Variants in MYO1B observed in about 807,000 individuals in gnomAD.
MYO1B encodes the protein unconventional myosin-Ib.
A neutral mutation model predicts 159.7 loss-of-function variants in MYO1B; 72 were observed. The ratio of observed to expected loss-of-function variants is 0.45; its 90% CI spans 0.37 to 0.55. The LOEUF is 0.55. Among genes scored for constraint, MYO1B ranks in the 20% least tolerant of loss-of-function variants. MYO1B has a pLI of 0.00. For missense variants in MYO1B, 1,062 were observed against 1,364.8 expected (o/e 0.78, Z 3.50); for synonymous variants, 468 against 473.8 (o/e 0.99, Z 0.16).
chr2:191,405,075 C>A (rs1218237125), intron 24 of MYO1B, among the ~76,000 whole-genome samples: 1 of 152,198 alleles, frequency 6.6e-6, no homozygotes, highest in Non-Finnish European at 1.5e-5. Flanking sequence ...TCAAACCTTG[C>A]CACTGGTTTT....
intron 1 of MYO1B, among the ~76,000 whole-genome samples, chr2:191,248,471 G>A (rs1052538527): frequency 3.3e-5 from 5 of 152,168 alleles, no homozygotes; most frequent in African/African-American, 7.2e-5. Context: ...GGGCAAAATC[G>A]TCTGGTAACA....
intron 13 of MYO1B, among the ~76,000 whole-genome samples, chr2:191,379,104 A>G (rs1694894088): frequency 1.3e-5 from 2 of 152,208 alleles, no homozygotes; most frequent in South Asian, 2.1e-4. Context: ...TTGACTGGAT[A>G]TGGGTCTTGA....
At chr2:191,356,337 C>CT (rs79525897) in intron 7 of MYO1B, among the ~76,000 whole-genome samples, 6,574 of 106,454 alleles carry the variant, frequency 0.062, 332 homozygotes, top group African/African-American at 0.13. Flanking sequence ...GGCTGGGCTT[C>CT]TTTTTTTTTT....
Position 191,411,157 on chromosome 2 carries a change from C to G in MYO1B, c.2858C>G (p.Ala953Gly). The G allele has an allele frequency of 6.3e-7, 1 of 1,598,046 alleles. No individual in the cohort carries two copies. The highest frequency in any genetic ancestry group is 1.7e-5 in the Admixed American group (1 of 57,838). The change falls in exon 27 of 31, where the codon GCT becomes GGT. Residue 953 changes from alanine (A) to glycine (G), a missense_variant. Coordinates refer to ENST00000392318, the MANE Select transcript of MYO1B (RefSeq NM_001130158.3). The part of the protein sequence containing the change: ...EASELFKDKK[A>G]LYPSSVGQPF... ...AGTGAACTCTTCAAAGACAAGAAGG[C>G]TTTATACCCATCTAGGTATTATGGC...
intron 11 of MYO1B, among the ~76,000 whole-genome samples, chr2:191,367,659 T>C (rs1694092374): frequency 2.6e-5 from 4 of 152,184 alleles, no homozygotes; most frequent in African/African-American, 4.8e-5. Flanking sequence ...AGCATGTAAC[T>C]AAAAAAGCTG....
At chr2:191,267,637 C>A (rs1485360224) in intron 1 of MYO1B, among the ~76,000 whole-genome samples, 1 of 152,230 alleles carries the variant, frequency 6.6e-6, no homozygotes, top group African/African-American at 2.4e-5. Flanking sequence ...TGTCGGGGCA[C>A]TCACTTTCTC....
At chr2:191,383,427 C>A in intron 15 of MYO1B, 85 bp downstream of exon 15, 4 of 318,544 alleles carry the variant, frequency 1.3e-5, no homozygotes, top group South Asian at 1.4e-4. Context: ...CAATGTTAAG[C>A]ATTAGTATTT....
At chr2:191,397,447 G>A (rs1438856317) in intron 21 of MYO1B, among the ~76,000 whole-genome samples, 5 of 151,794 alleles carry the variant, frequency 3.3e-5, no homozygotes, top group African/African-American at 4.8e-5. Context: ...ATCTTGCACC[G>A]CCCTTAATCC....
chr2:191,314,753 G>A (rs1317490359), intron 3 of MYO1B, among the ~76,000 whole-genome samples: 1 of 152,172 alleles, frequency 6.6e-6, no homozygotes, highest in Non-Finnish European at 1.5e-5. Context: ...AGAAGGTGAA[G>A]AAATATGAAA....
chr2:191,362,417 A>G, intron 9 of MYO1B, 46 bp downstream of exon 9: 1 of 1,435,220 alleles, frequency 7.0e-7, no homozygotes, highest in Non-Finnish European at 9.7e-7. Flanking sequence ...ATACCACTGC[A>G]TTGCTCAGCG....
At chr2:191,349,602 A>G (rs1692784389) in intron 6 of MYO1B, among the ~76,000 whole-genome samples, 2 of 152,242 alleles carry the variant, frequency 1.3e-5, no homozygotes. Flanking sequence ...AACCTGCGTT[A>G]TATATTGCTA....
At chr2:191,266,745 A>G (rs1403162970) in intron 1 of MYO1B, among the ~76,000 whole-genome samples, 2 of 152,186 alleles carry the variant, frequency 1.3e-5, no homozygotes, top group Non-Finnish European at 2.9e-5. Context: ...AGGCACTTAG[A>G]AATTTTGCCC....
At chr2:191,257,209 C>G (rs1686506541) in intron 1 of MYO1B, among the ~76,000 whole-genome samples, 1 of 151,920 alleles carries the variant, frequency 6.6e-6, no homozygotes, top group Non-Finnish European at 1.5e-5. Context: ...ATGAAGTTGC[C>G]CTTTACTTAC....
rs1249106583 is a variant in MYO1B, at chr2:191,416,823, AAAAG to A, written c.3287+583_3287+586del. Reference sequence around the variant, plus strand: ...TGTGAGACTCCGTCTCAGAAAAAAAAAAAGAGTCAGGGAGGCCTCTTTGATGTGG... The same window carrying A: ...TGTGAGACTCCGTCTCAGAAAAAAAAAGTCAGGGAGGCCTCTTTGATGTGG... On this transcript the variant is annotated intron_variant, in intron 30 of 30. Transcript: ENST00000392318. 2.0e-5 allele frequency among the ~76,000 whole-genome samples: 3 copies of A among 152,088 alleles called. No homozygotes were observed. The East Asian group carries it at 5.8e-4, about 29-fold the overall frequency.
chr2:191,390,541 A>T (rs775663280), intron 18 of MYO1B, 49 bp downstream of exon 18: 16 of 1,551,322 alleles, frequency 1.0e-5, no homozygotes, highest in Non-Finnish European at 1.4e-5. Flanking sequence ...TAAGTGGTCA[A>T]ATAATACGGT....
intron 13 of MYO1B, among the ~76,000 whole-genome samples, chr2:191,372,699 T>C (rs1045284282): frequency 2.6e-5 from 4 of 152,166 alleles, no homozygotes; most frequent in African/African-American, 9.7e-5. Flanking sequence ...AACTTGATGC[T>C]GGGTGAAATA....
intron 28 of MYO1B, 73 bp downstream of exon 28, chr2:191,414,253 A>C: frequency 2.0e-6 from 3 of 1,523,268 alleles, no homozygotes; most frequent in Non-Finnish European, 2.6e-6. Flanking sequence ...TTCTGAATGT[A>C]AAAATTTGCA....
At chr2:191,309,337 G>A (rs1257728138) in intron 3 of MYO1B, among the ~76,000 whole-genome samples, 2 of 151,950 alleles carry the variant, frequency 1.3e-5, no homozygotes, top group Non-Finnish European at 2.9e-5. Flanking sequence ...CCACTTGTGC[G>A]TGTGCCAGGC....
intron 1 of MYO1B, among the ~76,000 whole-genome samples, chr2:191,264,551 ATGTAT>A (rs1049217310): frequency 3.2e-4 from 49 of 151,676 alleles, no homozygotes; most frequent in African/African-American, 9.9e-4. Flanking sequence ...GTAGCTAACC[ATGTAT>A]TGTAAACACA....
Sources: gnomAD v4.1 joint callset for allele counts (sites outside exome capture counted in the v4.1 genomes callset) on GRCh38, gnomAD v4.1.1 for gene constraint, MANE v1.5 for transcripts, NCBI Gene and HGNC (gene_info 2026-07-23, HGNC 2026-07-21) for gene names.